Variants in P4HA3 observed in about 807,000 individuals in gnomAD.
The protein encoded by P4HA3 is prolyl 4-hydroxylase subunit alpha-3.
In P4HA3, 60 loss-of-function variants were observed where a neutral mutation model predicts 66.7. The ratio of observed to expected loss-of-function variants is 0.90; its 90% CI spans 0.73 to 1.12. The LOEUF (loss-of-function observed/expected upper bound fraction) is 1.12, where lower values mean the gene tolerates loss of function less well. Among genes scored for constraint, P4HA3 ranks in the 50% most tolerant of loss-of-function variants. The probability of loss-of-function intolerance (pLI) is 0.00; values close to 1 mark genes in which losing one functional copy is unlikely to be tolerated. For synonymous variants in P4HA3, 263 were observed against 274.6 expected (o/e 0.96, Z 0.42); for missense variants, 683 against 685.8 (o/e 1.00, Z 0.05).
chr11:74,292,800 G>A (rs949210398), intron 4 of P4HA3, among the ~76,000 whole-genome samples: 25 of 152,114 alleles, frequency 1.6e-4, no homozygotes, highest in Non-Finnish European at 3.5e-4. Flanking sequence ...ACTGCACTGT[G>A]GTCTGACAGA....
intron 14 of P4HA3, among the ~76,000 whole-genome samples, chr11:74,260,307 G>A (rs111581108): frequency 2.6e-5 from 4 of 152,256 alleles, no homozygotes; most frequent in African/African-American, 9.6e-5. Flanking sequence ...AGGCCCTGGA[G>A]GGTTCACAAG....
chr11:74,279,007 C>G (rs76980622), intron 8 of P4HA3, among the ~76,000 whole-genome samples: 6,054 of 152,238 alleles, frequency 0.04, 127 homozygotes, highest in Middle Eastern at 0.11. Flanking sequence ...TGGTCTCATT[C>G]TTGGCAAGTC....
chr11:74,255,694 A>T (rs2135691645), intron 15 of P4HA3, among the ~76,000 whole-genome samples: 1 of 152,234 alleles, frequency 6.6e-6, no homozygotes, highest in East Asian at 1.9e-4. Context: ...TAGGAACTTT[A>T]TTCAGGGCCG....
Position 74,253,384 on chromosome 11 carries a change from C to T in P4HA3, c.*1319-5383G>A, listed in dbSNP as rs929635222. On this transcript the variant is annotated intron_variant and NMD_transcript_variant, in intron 15 of 15. Transcript: ENST00000524388. ...AGGGCTGTGAAATGGGTCAGATTTG[C>T]CAGGGCCTTGGTGGTCATTAGGGAG... 2.3e-5 allele frequency: 26 copies of T among 1,155,126 alleles called. No homozygotes were observed. The Middle Eastern group carries it at 5.8e-4, about 26-fold the overall frequency. The allele number at this position is 1,155,126 out of a possible 1,614,324, so 71.6% of individuals were successfully genotyped here. A position where few individuals can be genotyped will look rare whatever the true frequency, so the allele number is the denominator to read the frequency against.
chr11:74,283,623 T>G (rs1215818739), intron 7 of P4HA3, among the ~76,000 whole-genome samples: 1 of 152,234 alleles, frequency 6.6e-6, no homozygotes, highest in African/African-American at 2.4e-5. Flanking sequence ...TAATGGTGTC[T>G]CACATCTAGC....
chr11:74,300,996 T>A (rs1861389450), intron 3 of P4HA3, among the ~76,000 whole-genome samples: 1 of 152,124 alleles, frequency 6.6e-6, no homozygotes, highest in South Asian at 2.1e-4. Flanking sequence ...AGATACAATG[T>A]GCTGAATGAA....
At chr11:74,271,468 C>G (rs577218775) in intron 10 of P4HA3, among the ~76,000 whole-genome samples, 43 of 152,064 alleles carry the variant, frequency 2.8e-4, no homozygotes, top group Non-Finnish European at 4.7e-4. Flanking sequence ...GCTGTAAGAA[C>G]AGTGGGAAAG....
At chr11:74,271,429 A>G (rs998477395) in intron 10 of P4HA3, among the ~76,000 whole-genome samples, 1 of 152,222 alleles carries the variant, frequency 6.6e-6, no homozygotes, top group Non-Finnish European at 1.5e-5. Context: ...CGGATTCTGC[A>G]TGCAATGAAG....
downstream of P4HA3, among the ~76,000 whole-genome samples, chr11:74,265,199 C>T (rs557328559): frequency 5.3e-5 from 8 of 152,290 alleles, no homozygotes; most frequent in African/African-American, 1.9e-4. Context: ...GCAGCCTCCC[C>T]TGCAGACAGT....
chr11:74,255,792 C>A (rs1859817880), intron 15 of P4HA3, among the ~76,000 whole-genome samples: 1 of 152,184 alleles, frequency 6.6e-6, no homozygotes, highest in Admixed American at 6.5e-5. Context: ...AACTGATCTG[C>A]ATTTTAACAA....
At chr11:74,262,265 A>C (rs1234530375), downstream of P4HA3, among the ~76,000 whole-genome samples, 1 of 152,156 alleles carries the variant, frequency 6.6e-6, no homozygotes, top group African/African-American at 2.4e-5. Context: ...ACCCATTTCT[A>C]ATGCAAACAT....
intron 4 of P4HA3, among the ~76,000 whole-genome samples, chr11:74,290,274 C>T (rs1218208233): frequency 2.0e-5 from 3 of 152,162 alleles, no homozygotes; most frequent in African/African-American, 7.2e-5. Flanking sequence ...ATCCTTTGCC[C>T]ACTTTTTGAT....
rs2135701096 is a variant in P4HA3 at position 74,267,184 on chromosome 11, A to C, written c.*64T>G. ...GCTCTGCTTTCTCCTCTCCTACCCC[A>C]GCTTTTGGCTCCTGGCTTCTCTGGA... On this transcript the variant is annotated 3_prime_UTR_variant, in exon 13 of 13. Transcript: ENST00000331597. 1.9e-6 allele frequency: 3 copies of C among 1,610,558 alleles called. No individual in the cohort carries two copies. The East Asian group carries it at 6.7e-5, about 36-fold the overall frequency.
chr11:74,264,409 G>GA (rs1859957503), downstream of P4HA3, among the ~76,000 whole-genome samples: 1 of 152,098 alleles, frequency 6.6e-6, no homozygotes. Context: ...AGCCTCTAGG[G>GA]ACCCTGCTCA....
chr11:74,285,587 C>G (rs182549369), intron 7 of P4HA3: 20 of 482,732 alleles, frequency 4.1e-5, no homozygotes, highest in Middle Eastern at 5.5e-4. Context: ...TTCAATACCC[C>G]AGAGAATCCT....
At chr11:74,279,284 T>C in intron 8 of P4HA3, 104 bp downstream of exon 8, 1 of 1,031,940 alleles carries the variant, frequency 9.7e-7, no homozygotes, top group Admixed American at 1.7e-5. Context: ...AACTAGGGAT[T>C]CTCCACCTCT....
At position 74,269,650 on chromosome 11, in the gene P4HA3, ACCCTAACC is replaced by A; in HGVS notation, c.1461_1467+1del. 1 of 1,612,794 alleles carries A rather than the reference ACCCTAACC, an allele frequency of 6.2e-7. No homozygotes were observed. The highest frequency in any genetic ancestry group is 1.7e-5 in the Admixed American group (1 of 59,914). On this transcript the variant is annotated splice_donor_variant and coding_sequence_variant, in exon 11 of 13. Transcript: ENST00000331597. LOFTEE classifies it high-confidence loss of function. ...GTCTTCTGGGACCAGGGCCCCACTC[ACCCTAACC>A]ACAGGCACGCTGAGGTTGGCATAGA...
At chr11:74,298,457 A>T (rs1861298132) in intron 3 of P4HA3, 96 bp from the exon 4 acceptor site, 2 of 1,407,068 alleles carry the variant, frequency 1.4e-6, no homozygotes, top group African/African-American at 2.9e-5. Flanking sequence ...GGAATCCAAG[A>T]AGGCAGGTTT....
At chr11:74,298,898 C>T (rs371172485) in intron 3 of P4HA3, among the ~76,000 whole-genome samples, 2 of 152,238 alleles carry the variant, frequency 1.3e-5, no homozygotes, top group Non-Finnish European at 1.5e-5. Context: ...CTTGAAACAG[C>T]AGCATGGGCT....
Sources: gnomAD v4.1 joint callset for allele counts (sites outside exome capture counted in the v4.1 genomes callset) on GRCh38, gnomAD v4.1.1 for gene constraint, MANE v1.5 for transcripts, NCBI Gene and HGNC (gene_info 2026-07-23, HGNC 2026-07-21) for gene names.